Variants in FLT1 observed in about 807,000 individuals in gnomAD.
The protein encoded by FLT1 is vascular endothelial growth factor receptor 1.
FLT1 carries 49 observed loss-of-function variants against 156.3 expected under a neutral mutation model. The observed-to-expected ratio is 0.31, with a 90% CI of 0.25 to 0.40. The LOEUF (loss-of-function observed/expected upper bound fraction) is 0.40. Among genes scored for constraint, FLT1 ranks in the 10% least tolerant of loss-of-function variants. FLT1 has a pLI of 1.00. For missense variants in FLT1, 1,322 were observed against 1,637.2 expected (o/e 0.81, Z 3.32); for synonymous variants, 594 against 583.8 (o/e 1.02, Z -0.25).
chr13:28,335,698 C>A (rs7982251), intron 17 of FLT1, among the ~76,000 whole-genome samples: 1 of 152,104 alleles, frequency 6.6e-6, no homozygotes, highest in African/African-American at 2.4e-5. Flanking sequence ...ACTGGGGAGA[C>A]GACACGTTTC....
At chr13:28,385,320 G>A (rs533563526) in intron 13 of FLT1, among the ~76,000 whole-genome samples, 1 of 152,140 alleles carries the variant, frequency 6.6e-6, no homozygotes, top group Non-Finnish European at 1.5e-5. Flanking sequence ...CTTTTTTTGA[G>A]AGGAGCTTTT....
At chr13:28,432,326 A>T (rs541716141) in intron 6 of FLT1, among the ~76,000 whole-genome samples, 1 of 152,178 alleles carries the variant, frequency 6.6e-6, no homozygotes, top group South Asian at 2.1e-4. Flanking sequence ...GAACAGACAG[A>T]CACATGTTGA....
Position 28,311,697 on chromosome 13 carries a change from C to A in FLT1, c.3528G>T (p.Leu1176=). The change falls in exon 27 of 30, where the codon CTG becomes CTT. Residue 1176 remains leucine, a synonymous_variant. Transcript: ENST00000282397. Reference sequence around the variant, plus strand: ...AGTATGTAAACCCACTATTTCCTGTCAGTATGGCATTGATTGGGATGTAGT... The same window carrying A: ...AGTATGTAAACCCACTATTTCCTGTAAGTATGGCATTGATTGGGATGTAGT... The part of the protein sequence containing the change: ...GKDYIPINAI[L]TGNSGFTYST... The A allele has an allele frequency of 1.9e-6, 3 of 1,613,990 alleles. No homozygotes were observed. Among genetic ancestry groups the A allele is most frequent in the South Asian group, 2.2e-5 (2 of 91,078 alleles).
At chr13:28,452,516 G>C (rs1879006417) in intron 3 of FLT1, among the ~76,000 whole-genome samples, 1 of 152,148 alleles carries the variant, frequency 6.6e-6, no homozygotes. Flanking sequence ...CATCAAGTGA[G>C]TGTCTGCTTC....
intron 1 of FLT1, among the ~76,000 whole-genome samples, chr13:28,468,318 A>T (rs1238841202): frequency 6.6e-6 from 1 of 152,228 alleles, no homozygotes; most frequent in African/African-American, 2.4e-5. Context: ...AACATCTCGG[A>T]GGATTGTTGT....
intron 10 of FLT1, 108 bp downstream of exon 10, chr13:28,427,051 A>G: frequency 9.4e-7 from 1 of 1,068,996 alleles, no homozygotes; most frequent in Non-Finnish European, 1.5e-6. Flanking sequence ...TTTGCCTCAA[A>G]TATACAGTAC....
chr13:28,332,867 C>T (rs139628320), intron 18 of FLT1, among the ~76,000 whole-genome samples: 2 of 152,242 alleles, frequency 1.3e-5, no homozygotes, highest in African/African-American at 2.4e-5. Flanking sequence ...ATGTTGATGC[C>T]TCTTCTCTTC....
intron 10 of FLT1, among the ~76,000 whole-genome samples, chr13:28,414,346 C>T (rs535747820): frequency 1.3e-5 from 2 of 152,288 alleles, no homozygotes; most frequent in South Asian, 4.1e-4. Context: ...TATGTATTGT[C>T]CTTTTTGTGA....
At chr13:28,404,064 A>G (rs1457630128) in intron 11 of FLT1, among the ~76,000 whole-genome samples, 1 of 152,032 alleles carries the variant, frequency 6.6e-6, no homozygotes, top group Admixed American at 6.5e-5. Context: ...AAAAGAAAGA[A>G]AGAAAGAAAG....
intron 25 of FLT1, 70 bp from the exon 26 acceptor site, chr13:28,312,168 C>T: frequency 3.2e-6 from 3 of 932,012 alleles, no homozygotes; most frequent in African/African-American, 1.6e-5. Context: ...TTACGTACTA[C>T]AAAGGGAGGG....
At chr13:28,430,509 T>C (rs934174800) in intron 7 of FLT1, among the ~76,000 whole-genome samples, 1 of 152,172 alleles carries the variant, frequency 6.6e-6, no homozygotes, top group Non-Finnish European at 1.5e-5. Context: ...GAGAAAAAGT[T>C]GCTCTGTACA....
chr13:28,460,813 C>T, intron 3 of FLT1, among the ~76,000 whole-genome samples: 1 of 151,932 alleles, frequency 6.6e-6, no homozygotes, highest in Non-Finnish European at 1.5e-5. Context: ...CACACACACA[C>T]ACACACACAC....
At chr13:28,304,414 GTTGTGCTAACTACATCAC>G (rs1176810360) in intron 29 of FLT1, among the ~76,000 whole-genome samples, 1 of 152,046 alleles carries the variant, frequency 6.6e-6, no homozygotes, top group Non-Finnish European at 1.5e-5. Flanking sequence ...TGGCCGATGA[GTTGTGCTAACTACATCAC>G]TTGGAGGCAC....
At chr13:28,418,265 A>C (rs962140754) in intron 10 of FLT1, among the ~76,000 whole-genome samples, 1 of 152,192 alleles carries the variant, frequency 6.6e-6, no homozygotes, top group Non-Finnish European at 1.5e-5. Context: ...CTGGGGCCCA[A>C]GACAGCTGTA....
At chr13:28,341,421 C>G (rs909931304) in intron 16 of FLT1, among the ~76,000 whole-genome samples, 1 of 152,180 alleles carries the variant, frequency 6.6e-6, no homozygotes, top group African/African-American at 2.4e-5. Flanking sequence ...AACTTCTGCT[C>G]ACCCACACAC....
At position 28,302,742 on chromosome 13, in the gene FLT1, C is replaced by G. The variant is rs1030973093; in HGVS notation, c.*425G>C. 8.0e-6 allele frequency: 2 copies of G among 248,534 alleles called. No homozygotes were observed. The highest frequency in any genetic ancestry group is 2.2e-5 in the African/African-American group (1 of 45,572). 15.4% of individuals were successfully genotyped at this position (248,534 alleles called of 1,614,324 possible). ...GCTAGAGGACTCCCGAGATGTTGCT[C>G]AGGCCAGCCAGTGATCCCTGGGGCT... On this transcript the variant is annotated 3_prime_UTR_variant, in exon 30 of 30. Coordinates refer to ENST00000282397, the MANE Select transcript of FLT1 (RefSeq NM_002019.4).
At chr13:28,466,355 T>G (rs374543552) in intron 3 of FLT1, among the ~76,000 whole-genome samples, 2 of 152,190 alleles carry the variant, frequency 1.3e-5, no homozygotes, top group Admixed American at 1.3e-4. Context: ...CTTTGCCCTT[T>G]GCACTGTATC....
chr13:28,368,121 TAA>T (rs1416406703), intron 14 of FLT1: 1 of 708,920 alleles, frequency 1.4e-6, no homozygotes, highest in East Asian at 1.1e-4. Flanking sequence ...TTTAATAGAA[TAA>T]AAAGTGAATT....
chr13:28,303,381 A>G lies in FLT1; in HGVS notation c.3816-13T>C, dbSNP rs1870596566. 1 of 1,611,930 alleles carries G rather than the reference A, an allele frequency of 6.2e-7. No individual in the cohort carries two copies. The highest frequency in any genetic ancestry group is 2.2e-5 in the East Asian group (1 of 44,870). On this transcript the variant is annotated splice_polypyrimidine_tract_variant and intron_variant, in intron 29 of 29. Transcript: ENST00000282397. Reference sequence around the variant, plus strand: ...GGTTACTCTCAAGCTAAAGAAAGAAAGGAAAGAAATCAAATATTCAAAATT... The same window carrying G: ...GGTTACTCTCAAGCTAAAGAAAGAAGGGAAAGAAATCAAATATTCAAAATT...
Sources: allele counts gnomAD v4.1 joint callset (sites outside exome capture counted in the v4.1 genomes callset), GRCh38; gene constraint gnomAD v4.1.1; transcripts MANE v1.5; gene names NCBI Gene and HGNC (gene_info 2026-07-23, HGNC 2026-07-21).